CA4: variants seen among roughly 807,000 people sequenced by gnomAD.
CA4 encodes the protein CA-IV.
Under a neutral mutation model 34.5 loss-of-function variants are expected in CA4, and 24 were observed. That is an observed-to-expected ratio of 0.70 (90% CI 0.50 to 0.98). CA4 has a LOEUF of 0.98. Among genes scored for constraint, CA4 ranks in the 50% least tolerant of loss-of-function variants. The pLI is 0.00. For synonymous variants in CA4, 178 were observed against 170.6 expected, an observed-to-expected ratio of 1.04 and a Z score of -0.34; for missense variants, 394 against 396.7, an observed-to-expected ratio of 0.99 and a Z score of 0.06.
downstream of CA4, among the ~76,000 whole-genome samples, chr17:60,163,560 C>T (rs1033719684): frequency 5.3e-5 from 8 of 152,288 alleles, no homozygotes; most frequent in East Asian, 1.9e-4. Flanking sequence ...ATGTCCTAGC[C>T]GCTCTGTTTG....
intron 2 of CA4, 23 bp from the exon 3 acceptor site, chr17:60,156,537 G>A: frequency 6.2e-7 from 1 of 1,613,930 alleles, no homozygotes; most frequent in South Asian, 1.1e-5. Context: ...CCGACTCTCA[G>A]CCCACCTTCT....
At chr17:60,160,803 G>A (rs185853141), downstream of CA4, among the ~76,000 whole-genome samples, 8 of 151,902 alleles carry the variant, frequency 5.3e-5, no homozygotes, top group East Asian at 3.9e-4. Flanking sequence ...AAGCCCTGGG[G>A]GAAGGGGCGG....
downstream of CA4, among the ~76,000 whole-genome samples, chr17:60,174,762 C>T (rs2083941893): frequency 6.6e-6 from 1 of 152,178 alleles, no homozygotes; most frequent in African/African-American, 2.4e-5. Context: ...ATCGCCACTC[C>T]CCAACTTACA....
downstream of CA4, among the ~76,000 whole-genome samples, chr17:60,174,728 G>T (rs1282670405): frequency 6.6e-6 from 1 of 152,110 alleles, no homozygotes; most frequent in Non-Finnish European, 1.5e-5. Context: ...GGAAGCCGTT[G>T]GTACATTATC....
chr17:60,166,651 G>A (rs1467465080), intron 5 of CA4, among the ~76,000 whole-genome samples: 2 of 152,160 alleles, frequency 1.3e-5, no homozygotes, highest in African/African-American at 4.8e-5. Flanking sequence ...AGGACATAAG[G>A]CTAACAAATA....
chr17:60,176,142 C>T, the CA4 span, among the ~76,000 whole-genome samples: 2 of 152,040 alleles, frequency 1.3e-5, no homozygotes, highest in Non-Finnish European at 2.9e-5. Flanking sequence ...AATGTGTATT[C>T]TCGTTTTTGG....
At chr17:60,153,619 C>T (rs896178887) in intron 1 of CA4, among the ~76,000 whole-genome samples, 22 of 152,328 alleles carry the variant, frequency 1.4e-4, no homozygotes, top group Admixed American at 1.4e-3. Context: ...TGGATCGGGA[C>T]CCCTTTCCTG....
At chr17:60,159,108 G>A in intron 7 of CA4, 122 bp from the exon 8 acceptor site, 1 of 819,200 alleles carries the variant, frequency 1.2e-6, no homozygotes, top group South Asian at 1.5e-5. Context: ...GAGAGCCAGG[G>A]GTTCAGAGCC....
In CA4 at chr17:60,157,800, A is replaced by G. The variant is rs1391862867; in HGVS notation, c.513+12A>G. ...CCTTTCTGGTGGAGGTGGGACTCCC[A>G]TCCCCCACTTCCCGGGGAACCCGGG... On this transcript the variant is annotated intron_variant, in intron 5 of 7. Transcript: ENST00000300900. The G allele has an allele frequency of 1.2e-6, 2 of 1,602,796 alleles. No individual in the cohort carries two copies. The highest frequency in any genetic ancestry group is 2.2e-5 in the East Asian group (1 of 44,816).
downstream of CA4, among the ~76,000 whole-genome samples, chr17:60,175,367 G>A (rs1372661558): frequency 6.6e-5 from 10 of 151,492 alleles, no homozygotes; most frequent in African/African-American, 2.2e-4. Context: ...CGAGGAGTTC[G>A]AGACCAGCCT....
chr17:60,150,081 C>A lies in CA4; in HGVS notation c.47C>A (p.Ser16Ter), dbSNP rs758246218. ...ALLALSAARPSASAESHWCYE... is the reference protein window; with the variant it reads ...ALLALSAARP ...CTGGCCCTCTCCGCGGCGCGGCCAT[C>A]GGCCAGTGCAGGTGAGCTCCCGGGC... The change falls in exon 1 of 8, where the codon TCG becomes TAG. Residue 16 changes from serine to a stop codon, truncating the protein, a stop_gained. Coordinates refer to ENST00000300900, the MANE Select transcript of CA4 (RefSeq NM_000717.5). LOFTEE classifies it high-confidence loss of function. 2 of 1,598,894 alleles carry A rather than the reference C, an allele frequency of 1.3e-6. No individual in the cohort carries two copies. The highest frequency in any genetic ancestry group is 1.7e-6 in the Non-Finnish European group (2 of 1,178,834).
chr17:60,167,649 A>G lies in CA4; in HGVS notation c.*179-2902A>G, dbSNP rs577251182. Among the ~76,000 whole-genome samples, 138 of 152,344 alleles carry G rather than the reference A, an allele frequency of 9.1e-4. 1 individual carries two copies. Among genetic ancestry groups the G allele is most frequent in the African/African-American group, 3.2e-3 (134 of 41,584 alleles). ...AGATAAGCCTGGTTTTCCAGGCTCT[A>G]TTTATGCCAGCTTTCCTTCAGGGGC... On this transcript the variant is annotated intron_variant and NMD_transcript_variant, in intron 5 of 5. Transcript: ENST00000586876.
chr17:60,176,000 GA>G, the CA4 span, among the ~76,000 whole-genome samples: 2 of 151,996 alleles, frequency 1.3e-5, no homozygotes, highest in Middle Eastern at 3.4e-3. Flanking sequence ...ATTTTTAGTA[GA>G]GACGGGGTTT....
At chr17:60,164,703 C>T (rs2145299038) in intron 5 of CA4, among the ~76,000 whole-genome samples, 1 of 152,226 alleles carries the variant, frequency 6.6e-6, no homozygotes, top group Middle Eastern at 3.4e-3. Flanking sequence ...AATCTTTCAA[C>T]AAACACTATT....
downstream of CA4, among the ~76,000 whole-genome samples, chr17:60,163,177 CA>C (rs561039236): frequency 8.2e-3 from 1,238 of 151,396 alleles, 7 homozygotes; most frequent in Middle Eastern, 0.014. Context: ...GGAGGGTCTA[CA>C]GGGGGCCCAG....
downstream of CA4, among the ~76,000 whole-genome samples, chr17:60,163,324 G>T (rs1320737478): frequency 6.6e-6 from 1 of 152,170 alleles, no homozygotes; most frequent in African/African-American, 2.4e-5. Flanking sequence ...CTCTGAGCTT[G>T]TGTGTGTGTT....
At chr17:60,177,224 C>T in the CA4 span, among the ~76,000 whole-genome samples, 16 of 152,306 alleles carry the variant, frequency 1.1e-4, no homozygotes, top group South Asian at 8.3e-4. Context: ...TGAGGAAAAA[C>T]GGCACATGGA....
Position 60,159,530 on chromosome 17 carries a change from A to C in CA4, c.*106A>C. On this transcript the variant is annotated 3_prime_UTR_variant, in exon 8 of 8. Coordinates refer to ENST00000300900, the MANE Select transcript of CA4 (RefSeq NM_000717.5). Reference sequence around the variant, plus strand: ...GACTTTAGGCATGATTAAAATATGGACATATTTTTGGAGAAACCTTTCTCA... The same window carrying C: ...GACTTTAGGCATGATTAAAATATGGCCATATTTTTGGAGAAACCTTTCTCA... 3.1e-6 allele frequency: 4 copies of C among 1,270,786 alleles called. No homozygotes were observed. Among genetic ancestry groups the C allele is most frequent in the Non-Finnish European group, 3.3e-6 (3 of 903,720 alleles). The allele number at this position is 1,270,786 out of a possible 1,614,324, so 78.7% of individuals were successfully genotyped here.
At chr17:60,158,259 C>T (rs1001990336) in intron 6 of CA4, 24 bp from the exon 7 acceptor site, 5 of 1,613,604 alleles carry the variant, frequency 3.1e-6, no homozygotes, top group Non-Finnish European at 3.4e-6. Context: ...CCCTCACTGA[C>T]AGTGTCCTCT....
Sources: allele counts gnomAD v4.1 joint callset (sites outside exome capture counted in the v4.1 genomes callset), GRCh38; gene constraint gnomAD v4.1.1; transcripts MANE v1.5; gene names NCBI Gene and HGNC (gene_info 2026-07-23, HGNC 2026-07-21).